The following LAMA3 variants were observed in gnomAD, a reference collection of about 807,000 sequenced individuals.
LAMA3 encodes the protein laminin subunit alpha-3.
A neutral mutation model predicts 402.0 loss-of-function variants in LAMA3; 281 were observed. That is an observed-to-expected ratio of 0.70 (90% CI 0.63 to 0.77). The LOEUF is 0.77. Ranked by LOEUF, LAMA3 falls within the 30% of genes least tolerant of loss-of-function variation. The pLI is 0.00. For missense variants in LAMA3, 3,840 were observed against 4,215.5 expected, an observed-to-expected ratio of 0.91 and a Z score of 2.47; for synonymous variants, 1,431 against 1,558.4, an observed-to-expected ratio of 0.92 and a Z score of 1.93.
intron 74 of LAMA3, 66 bp downstream of exon 74, chr18:23,953,175 T>G: frequency 6.3e-7 from 1 of 1,597,958 alleles, no homozygotes; most frequent in Non-Finnish European, 8.6e-7. Flanking sequence ...ACTTCTTAAT[T>G]AGTGGCAGGG....
In LAMA3 at chr18:23,810,394, C is replaced by T; in HGVS notation, c.1632C>T (p.Tyr544=). 2 of 1,614,152 alleles carry T rather than the reference C, an allele frequency of 1.2e-6. No homozygotes were observed. The highest frequency in any genetic ancestry group is 1.7e-6 in the Non-Finnish European group (2 of 1,180,022). Residue 544 remains tyrosine, a synonymous_variant, in exon 13 of 75, where the codon TAC becomes TAT. Coordinates refer to ENST00000313654, the MANE Select transcript of LAMA3 (RefSeq NM_198129.4). The part of the protein sequence containing the change: ...QACWCSALGS[Y]QMPCSSVTGQ... ...GCTGGTGTTCAGCCCTTGGATCCTA[C>T]CAGATGCCCTGCAGCTCAGTGACTG...
intron 68 of LAMA3, among the ~76,000 whole-genome samples, chr18:23,940,714 G>A (rs1394179415): frequency 3.9e-5 from 6 of 152,178 alleles, no homozygotes; most frequent in Admixed American, 6.6e-5. Context: ...AAGCTCTGAA[G>A]GAGAAAGCCT....
chr18:23,771,749 A>G (rs925760277), intron 8 of LAMA3, among the ~76,000 whole-genome samples: 1 of 152,228 alleles, frequency 6.6e-6, no homozygotes, highest in African/African-American at 2.4e-5. Context: ...TAAAGCAAAT[A>G]TGGTAAAATA....
chr18:23,714,095 A>T (rs903941040), intron 2 of LAMA3, 23 bp downstream of exon 2: 1 of 1,606,190 alleles, frequency 6.2e-7, no homozygotes, highest in African/African-American at 1.3e-5. Flanking sequence ...TTTAACTGGA[A>T]TGGGAACATG....
At chr18:23,819,666 T>A (rs1328334852) in intron 18 of LAMA3, among the ~76,000 whole-genome samples, 175 bp from the exon 19 acceptor site, 1 of 152,230 alleles carries the variant, frequency 6.6e-6, no homozygotes, top group Admixed American at 6.5e-5. Context: ...TGAATGTTTA[T>A]GTGAATTAAA....
intron 12 of LAMA3, among the ~76,000 whole-genome samples, chr18:23,797,193 T>C (rs1297142320): frequency 1.3e-5 from 2 of 152,206 alleles, no homozygotes; most frequent in Non-Finnish European, 2.9e-5. Flanking sequence ...TGAACCATTC[T>C]GGTAAGAGTT....
At chr18:23,749,356 TA>T (rs910801581) in intron 3 of LAMA3, 71 bp from the exon 4 acceptor site, 2 of 821,242 alleles carry the variant, frequency 2.4e-6, no homozygotes, top group African/African-American at 3.4e-5. Context: ...TAAGGAAACA[TA>T]AGGCTTCTTA....
At chr18:23,871,201 G>T (rs1270437850) in intron 37 of LAMA3, among the ~76,000 whole-genome samples, 1 of 152,034 alleles carries the variant, frequency 6.6e-6, no homozygotes, top group Non-Finnish European at 1.5e-5. Flanking sequence ...TCATTTTATT[G>T]CCCCTTATTC....
chr18:23,867,694 C>T, intron 36 of LAMA3, 140 bp from the exon 37 acceptor site: 1 of 725,940 alleles, frequency 1.4e-6, no homozygotes, highest in Non-Finnish European at 2.5e-6. Flanking sequence ...AATATTTTTA[C>T]CAGTCAGTTA....
chr18:23,744,653 A>T (rs1457770660), intron 2 of LAMA3, among the ~76,000 whole-genome samples: 1 of 151,844 alleles, frequency 6.6e-6, no homozygotes, highest in African/African-American at 2.4e-5. Context: ...AACACGGTGA[A>T]ACCCCGTCTC....
chr18:23,837,261 G>A (rs1817720968), intron 25 of LAMA3, 172 bp downstream of exon 25: 5 of 627,042 alleles, frequency 8.0e-6, no homozygotes, highest in Non-Finnish European at 1.4e-5. Context: ...TCATTTGTTT[G>A]AGCATTTTTT....
intron 1 of LAMA3, among the ~76,000 whole-genome samples, chr18:23,693,400 C>A (rs934896854): frequency 2.6e-5 from 4 of 152,028 alleles, no homozygotes; most frequent in African/African-American, 7.2e-5. Context: ...TACTGTTGTT[C>A]TTTCTTAGTA....
chr18:23,762,689 G>A (rs2143733656), intron 7 of LAMA3, among the ~76,000 whole-genome samples: 1 of 151,964 alleles, frequency 6.6e-6, no homozygotes, highest in Middle Eastern at 3.4e-3. Flanking sequence ...ACCTTCCTTT[G>A]AAGATATGAT....
At chr18:23,709,681 T>G (rs2060953236) in intron 1 of LAMA3, 4 of 402,830 alleles carry the variant, frequency 9.9e-6, no homozygotes, top group Non-Finnish European at 1.9e-5. Context: ...CCAGTGATAC[T>G]CATGGGAAGG....
chr18:23,895,050 G>A lies in LAMA3; in HGVS notation c.5605G>A (p.Asp1869Asn). 6.2e-7 allele frequency: 1 copy of A among 1,601,038 alleles called. No homozygotes were observed. Among genetic ancestry groups the A allele is most frequent in the East Asian group, 2.3e-5 (1 of 44,280 alleles). Residue 1869 changes from aspartate to asparagine, a missense_variant, in exon 44 of 75, where the codon GAC becomes AAC. Around this residue, in one of 3 missense-constraint regions of LAMA3, gnomAD observed 891 missense variants for 857.5 expected, o/e 1.04. Transcript: ENST00000313654. Reference protein sequence around the residue: ...QMRHMETQAKDLRNQLLNYRS... With the variant: ...QMRHMETQAKNLRNQLLNYRS... Reference sequence around the variant, plus strand: ...GAGGCACATGGAGACCCAGGCCAAGGACCTGAGGGTAAATCCCCTGCGGCC... The same window carrying A: ...GAGGCACATGGAGACCCAGGCCAAGAACCTGAGGGTAAATCCCCTGCGGCC...
At chr18:23,848,325 A>T (rs1225477370) in intron 32 of LAMA3, among the ~76,000 whole-genome samples, 1 of 151,274 alleles carries the variant, frequency 6.6e-6, no homozygotes, top group Non-Finnish European at 1.5e-5. Context: ...GCTCATGCAG[A>T]TGCTGCATTG....
Position 23,899,544 on chromosome 18 carries a change from A to G in LAMA3, c.6004+89A>G, listed in dbSNP as rs143170991. On this transcript the variant is annotated intron_variant, in intron 47 of 74. Coordinates refer to ENST00000313654, the MANE Select transcript of LAMA3 (RefSeq NM_198129.4). Reference sequence around the variant, plus strand: ...AGTGCAATGTAGAGTTCCCCGTTATAGGTGGAAGGCCTCATGGTTTCAGCG... The same window carrying G: ...AGTGCAATGTAGAGTTCCCCGTTATGGGTGGAAGGCCTCATGGTTTCAGCG... 7.6e-4 allele frequency: 997 copies of G among 1,309,028 alleles called. 15 individuals carry two copies. In the East Asian group the frequency reaches 0.023, roughly 30 times the overall value. The allele number at this position is 1,309,028 out of a possible 1,614,324, so 81.1% of individuals were successfully genotyped here.
chr18:23,696,219 T>A lies in LAMA3; in HGVS notation c.294+6242T>A, dbSNP rs2060683926. Among the ~76,000 whole-genome samples the A allele has an allele frequency of 2.0e-5, 3 of 152,378 alleles. No individual in the cohort carries two copies. The South Asian group carries it at 6.2e-4, about 32-fold the overall frequency. On this transcript the variant is annotated intron_variant, in intron 1 of 74. Coordinates refer to ENST00000313654, the MANE Select transcript of LAMA3 (RefSeq NM_198129.4). ...TTTCAGACTTTTAAATTTTCTTACA[T>A]GTTTCCAGGCTGCTTTCCTATTTTA...
At chr18:23,761,636 G>C (rs1042123066) in intron 7 of LAMA3, among the ~76,000 whole-genome samples, 2 of 152,176 alleles carry the variant, frequency 1.3e-5, no homozygotes, top group African/African-American at 4.8e-5. Context: ...GCTATTGTTA[G>C]TAGTAGTAAT....
Sources: allele counts gnomAD v4.1 joint callset (sites outside exome capture counted in the v4.1 genomes callset), GRCh38; gene constraint gnomAD v4.1.1; regional missense constraint gnomAD v4.1.1; transcripts MANE v1.5; gene names NCBI Gene and HGNC (gene_info 2026-07-23, HGNC 2026-07-21).